The following EBF3 variants were observed in gnomAD, a reference collection of about 807,000 sequenced individuals.
EBF3 encodes the protein EBF transcription factor 3.
In EBF3, 18 loss-of-function variants were observed where a neutral mutation model predicts 77.1. The ratio of observed to expected loss-of-function variants is 0.23; its 90% CI spans 0.16 to 0.35. The LOEUF (loss-of-function observed/expected upper bound fraction) is 0.35. Ranked by LOEUF, EBF3 falls within the 10% of genes least tolerant of loss-of-function variation. The pLI is 1.00. For synonymous variants in EBF3, 350 were observed against 343.5 expected, an observed-to-expected ratio of 1.02 and a Z score of -0.21; for missense variants, 558 against 860.0, an observed-to-expected ratio of 0.65 and a Z score of 4.39.
intron 6 of EBF3, among the ~76,000 whole-genome samples, chr10:129,934,271 G>A (rs1316831889): frequency 7.9e-5 from 12 of 151,630 alleles, no homozygotes; most frequent in East Asian, 5.8e-4. Context: ...TCCAGGCAGC[G>A]ACATCACGCT....
chr10:129,909,866 G>C (rs1855399983), intron 6 of EBF3, among the ~76,000 whole-genome samples: 1 of 152,188 alleles, frequency 6.6e-6, no homozygotes, highest in African/African-American at 2.4e-5. Context: ...CTGCGCTCTG[G>C]AAACAATTAC....
intron 7 of EBF3, among the ~76,000 whole-genome samples, chr10:129,876,612 T>C (rs928732265): frequency 1.3e-5 from 2 of 152,228 alleles, no homozygotes; most frequent in African/African-American, 4.8e-5. Flanking sequence ...TTCTGAGAAA[T>C]GCTTTGAGCT....
chr10:129,913,524 G>C (rs927275881), intron 6 of EBF3, among the ~76,000 whole-genome samples: 1 of 152,258 alleles, frequency 6.6e-6, no homozygotes, highest in Non-Finnish European at 1.5e-5. Context: ...TGTATTTTCC[G>C]GGGAACGGCC....
Position 129,870,596 on chromosome 10 carries a change from C to A in EBF3, c.782-2684G>T, listed in dbSNP as rs533250755. ...TGACCTGTTTTTAACTCTGAGGATC[C>A]TCTCAGCTACTTGGGAGAAGAGGCG... On this transcript the variant is annotated intron_variant, in intron 8 of 16. Coordinates refer to ENST00000440978, the MANE Select transcript of EBF3 (RefSeq NM_001375380.1). This position sits in a 1 kb window ranked among gnomAD's most constrained non-coding sequence, Gnocchi z 4.4. Among the ~76,000 whole-genome samples, 5 of 152,300 alleles carry A rather than the reference C, an allele frequency of 3.3e-5. No individual in the cohort carries two copies. In the East Asian group the frequency reaches 9.7e-4, roughly 30 times the overall value.
chr10:129,891,230 TTC>T (rs1307830305), intron 6 of EBF3, among the ~76,000 whole-genome samples: 3 of 152,174 alleles, frequency 2.0e-5, no homozygotes, highest in African/African-American at 4.8e-5. Context: ...CAAGCAAATT[TTC>T]TCTGTGTTAA....
chr10:129,854,713 T>G (rs1851125908), intron 10 of EBF3, among the ~76,000 whole-genome samples: 1 of 152,214 alleles, frequency 6.6e-6, no homozygotes, highest in Non-Finnish European at 1.5e-5. Flanking sequence ...TCCTCCTCAT[T>G]CAAGATGAGT....
intron 6 of EBF3, among the ~76,000 whole-genome samples, chr10:129,927,002 C>G (rs1169838465): frequency 6.6e-6 from 1 of 152,230 alleles, no homozygotes; most frequent in African/African-American, 2.4e-5. Flanking sequence ...GCCCCAGGAA[C>G]CGCTGCTCCC....
chr10:129,962,710 T>C (rs1308027814), intron 3 of EBF3, among the ~76,000 whole-genome samples: 1 of 152,244 alleles, frequency 6.6e-6, no homozygotes, highest in African/African-American at 2.4e-5. Context: ...AGTGATGTTC[T>C]GCTGGAGCCC....
At chr10:129,933,153 G>T (rs1016704626) in intron 6 of EBF3, among the ~76,000 whole-genome samples, 2 of 152,132 alleles carry the variant, frequency 1.3e-5, no homozygotes, top group Non-Finnish European at 2.9e-5. Context: ...ATTCCGCCAC[G>T]GTGATCATAT....
intron 6 of EBF3, among the ~76,000 whole-genome samples, chr10:129,929,933 G>A (rs1856896214): frequency 6.6e-6 from 1 of 152,204 alleles, no homozygotes; most frequent in African/African-American, 2.4e-5. Flanking sequence ...TGGGGTGTGA[G>A]TCGGAGCACA....
rs2134577251 is a variant in EBF3, at chr10:129,952,059, T to G, written c.554+5199A>C. On this transcript the variant is annotated intron_variant, in intron 6 of 16. Coordinates refer to ENST00000440978, the MANE Select transcript of EBF3 (RefSeq NM_001375380.1). This position sits in a 1 kb window ranked among gnomAD's most constrained non-coding sequence, Gnocchi z 4.7. ...GATTCTTTGTAGCCACATCCATTCA[T>G]CCAAAAGGTGTTTTAATATTGCCAA... 6.6e-6 allele frequency among the ~76,000 whole-genome samples: 1 copy of G among 152,346 alleles called. No homozygotes were observed. The highest frequency in any genetic ancestry group is 2.4e-5 in the African/African-American group (1 of 41,586).
chr10:129,846,368 G>A (rs1277904584), intron 11 of EBF3, among the ~76,000 whole-genome samples: 1 of 151,876 alleles, frequency 6.6e-6, no homozygotes, highest in African/African-American at 2.4e-5. Flanking sequence ...AAAAATTGCT[G>A]CAAAAATCAA....
chr10:129,896,625 G>A (rs1193713235), intron 6 of EBF3, among the ~76,000 whole-genome samples: 4 of 152,338 alleles, frequency 2.6e-5, no homozygotes, highest in South Asian at 2.1e-4. Context: ...CGAGCCTCCC[G>A]GAGGCGGTGC....
In EBF3 at chr10:129,837,839, T is replaced by G. The variant is rs553045434; in HGVS notation, c.*104A>C. The G allele has an allele frequency of 1.7e-5, 25 of 1,474,842 alleles. No homozygotes were observed. The highest frequency in any genetic ancestry group is 2.3e-5 in the Non-Finnish European group (25 of 1,064,848). The allele number at this position is 1,474,842 out of a possible 1,614,324, so 91.4% of individuals were successfully genotyped here. ...TTGCTGCTGATTTTTTTGAAGATAC[T>G]GTTTCCATCAGCATGTCTTAATATA... On this transcript the variant is annotated 3_prime_UTR_variant, in exon 17 of 17. Coordinates refer to ENST00000440978, the MANE Select transcript of EBF3 (RefSeq NM_001375380.1).
chr10:129,922,569 G>T (rs1856383971), intron 6 of EBF3, among the ~76,000 whole-genome samples: 1 of 152,232 alleles, frequency 6.6e-6, no homozygotes, highest in Non-Finnish European at 1.5e-5. Context: ...GAACTTCATG[G>T]GGACAGAAAG....
intron 10 of EBF3, among the ~76,000 whole-genome samples, chr10:129,854,091 G>A (rs964546235): frequency 2.6e-5 from 4 of 151,148 alleles, no homozygotes; most frequent in East Asian, 1.9e-4. Flanking sequence ...CCACCAGAGC[G>A]CCTTCATCAT....
rs1589910080 is a variant in EBF3 at position 129,938,713 on chromosome 10, C to T, written c.554+18545G>A. On this transcript the variant is annotated intron_variant, in intron 6 of 16. Coordinates refer to ENST00000440978, the MANE Select transcript of EBF3 (RefSeq NM_001375380.1). This position sits in a 1 kb window ranked among gnomAD's most constrained non-coding sequence, Gnocchi z 5.1. Reference sequence around the variant, plus strand: ...TGCGGCTGCAACCGACGAGCACTGCCTTGTGTCCTGGGACCTGGCCTGTGC... The same window carrying T: ...TGCGGCTGCAACCGACGAGCACTGCTTTGTGTCCTGGGACCTGGCCTGTGC... Among the ~76,000 whole-genome samples, 1 of 152,232 alleles carries T rather than the reference C, an allele frequency of 6.6e-6. No homozygotes were observed. Among genetic ancestry groups the T allele is most frequent in the Non-Finnish European group, 1.5e-5 (1 of 68,056 alleles).
intron 6 of EBF3, among the ~76,000 whole-genome samples, chr10:129,908,221 T>G (rs1855279333): frequency 6.6e-6 from 1 of 152,226 alleles, no homozygotes; most frequent in Non-Finnish European, 1.5e-5. Flanking sequence ...CCGCCTGGCT[T>G]TATTAATTCT....
intron 6 of EBF3, among the ~76,000 whole-genome samples, chr10:129,936,924 T>G (rs79309558): frequency 2.1e-3 from 316 of 152,284 alleles, no homozygotes; most frequent in African/African-American, 7.3e-3. Context: ...AGTTCCTAAT[T>G]CAACAGAAGC....
Sources: gnomAD v4.1 joint callset for allele counts (sites outside exome capture counted in the v4.1 genomes callset) on GRCh38, gnomAD v4.1.1 for gene constraint, Gnocchi (gnomAD v3.1) non-coding constraint, MANE v1.5 for transcripts, NCBI Gene and HGNC (gene_info 2026-07-23, HGNC 2026-07-21) for gene names.